Variants in FBXO34 observed in about 807,000 individuals in gnomAD.
FBXO34 encodes the protein F-box protein 34, also known as F-box only protein 34.
A neutral mutation model predicts 24.5 loss-of-function variants in FBXO34; 12 were observed. That is an observed-to-expected ratio of 0.49 (90% CI 0.31 to 0.79). FBXO34 has a LOEUF of 0.79. Among genes scored for constraint, FBXO34 ranks in the 30% least tolerant of loss-of-function variants. The probability of loss-of-function intolerance (pLI) is 0.04; values close to 1 mark genes in which losing one functional copy is unlikely to be tolerated. For missense variants in FBXO34, 823 were observed against 857.7 expected (o/e 0.96, Z 0.51); for synonymous variants, 320 against 311.9 (o/e 1.03, Z -0.27).
chr14:55,385,420 G>A, the FBXO34 span, among the ~76,000 whole-genome samples: 4 of 152,206 alleles, frequency 2.6e-5, no homozygotes, highest in Non-Finnish European at 5.9e-5. Flanking sequence ...AGCCACCTGA[G>A]TAGCTGGGAC....
chr14:55,375,209 T>C, the FBXO34 span, among the ~76,000 whole-genome samples: 1 of 152,366 alleles, frequency 6.6e-6, no homozygotes, highest in South Asian at 2.1e-4. Flanking sequence ...ATATATTTTA[T>C]TAAGATCACT....
chr14:55,414,693 A>G, the FBXO34 span, among the ~76,000 whole-genome samples: 1 of 152,306 alleles, frequency 6.6e-6, no homozygotes, highest in Admixed American at 6.5e-5. Context: ...CTTTGCTCAC[A>G]CAGTGCTCAG....
chr14:55,424,204 G>A, the FBXO34 span: 86 of 1,613,304 alleles, frequency 5.3e-5, no homozygotes, highest in African/African-American at 7.7e-4. Flanking sequence ...AACACAATTC[G>A]TGGTTTTACC....
chr14:55,286,567 T>C (rs1037144641), intron 1 of FBXO34, among the ~76,000 whole-genome samples: 9 of 152,218 alleles, frequency 5.9e-5, no homozygotes, highest in African/African-American at 1.9e-4. Flanking sequence ...TTCTACTTTA[T>C]GGAATAATAC....
chr14:55,402,953 ATATATATATATAT>A, the FBXO34 span, among the ~76,000 whole-genome samples: 24 of 77,278 alleles, frequency 3.1e-4, 1 homozygote, highest in Admixed American at 1.0e-3. Context: ...ATATATATAT[ATATATATATATAT>A]ATAAATAGCT....
intron 1 of FBXO34, among the ~76,000 whole-genome samples, chr14:55,292,788 G>T (rs916053368): frequency 2.0e-5 from 3 of 152,194 alleles, no homozygotes; most frequent in African/African-American, 7.2e-5. Flanking sequence ...TGGCATAGTA[G>T]ATTAGACTCC....
the FBXO34 span, among the ~76,000 whole-genome samples, chr14:55,384,321 G>A: frequency 6.6e-6 from 1 of 152,174 alleles, no homozygotes; most frequent in Non-Finnish European, 1.5e-5. Flanking sequence ...AAGTTTCCCT[G>A]TATACACTTC....
chr14:55,341,207 A>T (rs1038625360), intron 1 of FBXO34, among the ~76,000 whole-genome samples: 2 of 152,146 alleles, frequency 1.3e-5, no homozygotes, highest in African/African-American at 4.8e-5. Context: ...AGTAAGGGGG[A>T]TTCTGGCTAA....
downstream of FBXO34, among the ~76,000 whole-genome samples, chr14:55,362,182 G>A (rs190887601): frequency 2.7e-3 from 405 of 152,274 alleles, no homozygotes; most frequent in Non-Finnish European, 4.7e-3. Context: ...CAATATTGTT[G>A]TGTCTCAGGG....
At chr14:55,322,046 G>T (rs1200940883) in intron 1 of FBXO34, among the ~76,000 whole-genome samples, 1 of 152,136 alleles carries the variant, frequency 6.6e-6, no homozygotes, top group Non-Finnish European at 1.5e-5. Context: ...CTTTCAGCTG[G>T]GCGTGGTGGC....
the FBXO34 span, chr14:55,428,857 T>A: frequency 6.2e-7 from 1 of 1,614,044 alleles, no homozygotes; most frequent in African/African-American, 1.3e-5. Flanking sequence ...TGATGGGAAA[T>A]CTCACATCAC....
the FBXO34 span, among the ~76,000 whole-genome samples, chr14:55,389,401 T>C: frequency 6.6e-6 from 1 of 152,236 alleles, no homozygotes; most frequent in Non-Finnish European, 1.5e-5. Context: ...AGGTTCTATA[T>C]AGTTCTGGGC....
downstream of FBXO34, among the ~76,000 whole-genome samples, chr14:55,363,631 C>G (rs1221491920): frequency 1.3e-5 from 2 of 152,002 alleles, no homozygotes; most frequent in African/African-American, 2.4e-5. Context: ...GCCCAGCCCA[C>G]AAGACTCTTT....
intron 1 of FBXO34, among the ~76,000 whole-genome samples, chr14:55,286,906 C>CTTTTTTT (rs34073592): frequency 8.0e-6 from 1 of 125,420 alleles, no homozygotes; most frequent in Non-Finnish European, 1.7e-5. Context: ...GTTTCATTTA[C>CTTTTTTT]TTTTTTTTTT....
At chr14:55,418,896 A>G in the FBXO34 span, among the ~76,000 whole-genome samples, 32 of 152,278 alleles carry the variant, frequency 2.1e-4, no homozygotes, top group Admixed American at 1.6e-3. Context: ...GCTTCCTTAC[A>G]ACACTTAGGT....
intron 3 of FBXO34, among the ~76,000 whole-genome samples, chr14:55,360,581 AT>A (rs905453097): frequency 6.6e-6 from 1 of 151,914 alleles, no homozygotes; most frequent in African/African-American, 2.4e-5. Flanking sequence ...AAACCCTGGG[AT>A]TTTTTTGTTT....
intron 1 of FBXO34, among the ~76,000 whole-genome samples, chr14:55,325,237 TGCCTTA>T (rs1303370795): frequency 9.9e-5 from 15 of 152,224 alleles, no homozygotes; most frequent in Admixed American, 9.8e-4. Flanking sequence ...CAGTACTATT[TGCCTTA>T]GTTGGTTCTT....
the FBXO34 span, among the ~76,000 whole-genome samples, chr14:55,407,221 C>G: frequency 6.6e-6 from 1 of 152,152 alleles, no homozygotes; most frequent in East Asian, 1.9e-4. Context: ...CTCCGCCTCC[C>G]GGGTTCAGGC....
chr14:55,337,833 C>T (rs1883836006), intron 1 of FBXO34, among the ~76,000 whole-genome samples: 1 of 152,126 alleles, frequency 6.6e-6, no homozygotes, highest in Non-Finnish European at 1.5e-5. Flanking sequence ...CTCCACTTAC[C>T]ACTTGAAGAT....
Sources: allele counts gnomAD v4.1 joint callset (sites outside exome capture counted in the v4.1 genomes callset), GRCh38; gene constraint gnomAD v4.1.1; transcripts MANE v1.5; gene names NCBI Gene and HGNC (gene_info 2026-07-23, HGNC 2026-07-21).